The following B3GAT2 variants were observed in gnomAD, a reference collection of about 807,000 sequenced individuals.
The protein encoded by B3GAT2 is galactosylgalactosylxylosylprotein 3-beta-glucuronosyltransferase 2.
In B3GAT2, 26 loss-of-function variants were observed where a neutral mutation model predicts 27.8. That is an observed-to-expected ratio of 0.93 (90% confidence interval 0.68 to 1.30). The LOEUF (loss-of-function observed/expected upper bound fraction) is 1.30. Ranked by LOEUF, B3GAT2 falls within the 50% of genes most tolerant of loss-of-function variation. The pLI is 0.00. For synonymous variants in B3GAT2, 218 were observed against 195.1 expected (o/e 1.12, Z -0.98); for missense variants, 458 against 459.0 (o/e 1.00, Z 0.02).
chr6:70,916,748 A>C (rs924066623), intron 1 of B3GAT2, among the ~76,000 whole-genome samples: 4 of 152,178 alleles, frequency 2.6e-5, no homozygotes, highest in African/African-American at 9.7e-5. Context: ...GATGAAGTCG[A>C]CTTGATCGTA....
chr6:70,884,095 CA>C (rs70990339), intron 2 of B3GAT2, among the ~76,000 whole-genome samples: 66,190 of 100,522 alleles, frequency 0.66, 18,754 homozygotes, highest in Middle Eastern at 0.74. Context: ...CCTCAAGACT[CA>C]AAAAAAAAAA....
intron 1 of B3GAT2, among the ~76,000 whole-genome samples, chr6:70,898,434 T>C (rs1003305013): frequency 4.6e-5 from 7 of 152,186 alleles, no homozygotes; most frequent in Non-Finnish European, 1.0e-4. Context: ...TCCTCTTTCC[T>C]GACATACTCA....
intron 2 of B3GAT2, among the ~76,000 whole-genome samples, chr6:70,891,773 T>C (rs1772292956): frequency 6.6e-6 from 1 of 152,010 alleles, no homozygotes; most frequent in Non-Finnish European, 1.5e-5. Flanking sequence ...TGTGTGTGTG[T>C]GTGTGTGTGT....
intron 1 of B3GAT2, among the ~76,000 whole-genome samples, chr6:70,925,387 C>T (rs1772937234): frequency 6.6e-6 from 1 of 152,228 alleles, no homozygotes; most frequent in Non-Finnish European, 1.5e-5. Context: ...AGGGAATTCC[C>T]TTTCCTAGCC....
chr6:70,927,429 C>T (rs1183744602), intron 1 of B3GAT2, among the ~76,000 whole-genome samples: 1 of 152,070 alleles, frequency 6.6e-6, no homozygotes, highest in Admixed American at 6.6e-5. Flanking sequence ...ATTCAGGAGA[C>T]CCATCTCACA....
intron 2 of B3GAT2, among the ~76,000 whole-genome samples, chr6:70,890,711 G>T (rs752714767): frequency 6.6e-6 from 1 of 152,176 alleles, no homozygotes; most frequent in Non-Finnish European, 1.5e-5. Context: ...AGTCTTGTTG[G>T]AGACTGTGCC....
At position 70,857,171 on chromosome 6, in the gene B3GAT2, G is replaced by A. The variant is rs982335768; in HGVS notation, c.*4492C>T. The A allele has an allele frequency of 2.6e-5, 19 of 740,532 alleles. No individual in the cohort carries two copies. The highest frequency in any genetic ancestry group is 7.1e-5 in the African/African-American group (4 of 55,978). 45.9% of individuals were successfully genotyped at this position (740,532 alleles called of 1,614,324 possible). A position where few individuals can be genotyped will look rare whatever the true frequency, so the allele number is the denominator to read the frequency against. On this transcript the variant is annotated 3_prime_UTR_variant, in exon 4 of 4. Coordinates refer to ENST00000230053, the MANE Select transcript of B3GAT2 (RefSeq NM_080742.3). ...TTGCAGTTTATACAACTATGAAGCC[G>A]AAATGAATGAGCATTAGAATTAAAA...
chr6:70,942,904 G>A (rs184745153), intron 1 of B3GAT2, among the ~76,000 whole-genome samples: 1 of 152,276 alleles, frequency 6.6e-6, no homozygotes, highest in Admixed American at 6.5e-5. Context: ...AGAATGGTCA[G>A]CATTTAGCAC....
At position 70,901,112 on chromosome 6, in the gene B3GAT2, C is replaced by T. The variant is rs557743381; in HGVS notation, c.592-6840G>A. Among the ~76,000 whole-genome samples, 19 of 152,216 alleles carry T rather than the reference C, an allele frequency of 1.2e-4. 1 individual carries two copies. The South Asian group carries it at 3.9e-3, about 32-fold the overall frequency. On this transcript the variant is annotated intron_variant, in intron 1 of 3. Coordinates refer to ENST00000230053, the MANE Select transcript of B3GAT2 (RefSeq NM_080742.3). Reference sequence around the variant, plus strand: ...CTAAACGTGATTTTCCAAAACAAAACGATATTTATATGATCAAATACACCT... The same window carrying T: ...CTAAACGTGATTTTCCAAAACAAAATGATATTTATATGATCAAATACACCT...
intron 1 of B3GAT2, among the ~76,000 whole-genome samples, chr6:70,918,676 A>G (rs1179756293): frequency 6.6e-6 from 1 of 152,086 alleles, no homozygotes; most frequent in Admixed American, 6.5e-5. Context: ...CTGGATATGA[A>G]ATTCTGGGTT....
At chr6:70,954,721 G>A (rs1380694284) in intron 1 of B3GAT2, among the ~76,000 whole-genome samples, 1 of 152,192 alleles carries the variant, frequency 6.6e-6, no homozygotes, top group African/African-American at 2.4e-5. Context: ...AGAAATTTCA[G>A]GTGGAGGAAG....
Position 70,857,596 on chromosome 6 carries a change from C to T in B3GAT2, c.*4067G>A. 3.7e-6 allele frequency: 1 copy of T among 267,568 alleles called. No homozygotes were observed. The highest frequency in any genetic ancestry group is 5.4e-5 in the South Asian group (1 of 18,538). The allele number at this position is 267,568 out of a possible 1,614,324, so 16.6% of individuals were successfully genotyped here. On this transcript the variant is annotated 3_prime_UTR_variant, in exon 4 of 4. Coordinates refer to ENST00000230053, the MANE Select transcript of B3GAT2 (RefSeq NM_080742.3). ...ACTTCCCTGTTTCGTACTGGGGGAC[C>T]AGTGGTACAAATCAGCAATAAAACA...
intron 1 of B3GAT2, among the ~76,000 whole-genome samples, chr6:70,947,506 A>G (rs1765510580): frequency 6.6e-6 from 1 of 152,194 alleles, no homozygotes; most frequent in Non-Finnish European, 1.5e-5. Flanking sequence ...TCCTCGACAC[A>G]TACACCCTCC....
chr6:70,929,489 A>G (rs1773024239), intron 1 of B3GAT2, among the ~76,000 whole-genome samples: 1 of 152,226 alleles, frequency 6.6e-6, no homozygotes, highest in South Asian at 2.1e-4. Flanking sequence ...CTGATAAGCA[A>G]CTTCAGCAAA....
At chr6:70,935,243 T>C (rs1773124898) in intron 1 of B3GAT2, among the ~76,000 whole-genome samples, 1 of 151,764 alleles carries the variant, frequency 6.6e-6, no homozygotes, top group Non-Finnish European at 1.5e-5. Flanking sequence ...GCCAGGAGCT[T>C]GAGACCAGCC....
chr6:70,870,005 T>C (rs1305122273), intron 2 of B3GAT2, among the ~76,000 whole-genome samples: 3 of 152,070 alleles, frequency 2.0e-5, no homozygotes, highest in Non-Finnish European at 4.4e-5. Flanking sequence ...GATCTAGAAC[T>C]AGAAATACCA....
rs111257864 is a variant in B3GAT2, at chr6:70,913,818, C to T, written c.592-19546G>A. ...GGGTGCTGAAGTCTCCCAATATTACCGTGTGGTTATCCATGTCTCTTTGTA... is the reference window on the plus strand; with the variant it reads ...GGGTGCTGAAGTCTCCCAATATTACTGTGTGGTTATCCATGTCTCTTTGTA... On this transcript the variant is annotated intron_variant, in intron 1 of 3. Transcript: ENST00000230053. Among the ~76,000 whole-genome samples the T allele has an allele frequency of 9.3e-3, 1,416 of 152,170 alleles. 11 individuals carry two copies. The highest frequency in any genetic ancestry group is 0.048 in the Middle Eastern group (14 of 294).
chr6:70,956,121 G>C lies in B3GAT2; in HGVS notation c.309C>G (p.Asn103Lys). 6.2e-7 allele frequency: 1 copy of C among 1,604,246 alleles called. No homozygotes were observed. The highest frequency in any genetic ancestry group is 8.5e-7 in the Non-Finnish European group (1 of 1,175,836). ...VQKAELTRLA[N>K]TFRQVAQLHW... ...GCAGCTGCGCCACCTGGCGGAACGT[G>C]TTGGCCAGGCGGGTCAGCTCCGCTT... The change falls in exon 1 of 4, where the codon AAC becomes AAG. Residue 103 changes from asparagine (N) to lysine (K), a missense_variant. Physicochemically the swap from Asn to Lys is moderately conservative, Grantham distance 94. Coordinates refer to ENST00000230053, the MANE Select transcript of B3GAT2 (RefSeq NM_080742.3).
chr6:70,898,153 G>A (rs971807976), intron 1 of B3GAT2, among the ~76,000 whole-genome samples: 6 of 152,030 alleles, frequency 3.9e-5, no homozygotes, highest in Admixed American at 2.0e-4. Context: ...AGCAAATTCC[G>A]ATAGAGATTG....
Sources: gnomAD v4.1 joint callset for allele counts (sites outside exome capture counted in the v4.1 genomes callset) on GRCh38, gnomAD v4.1.1 for gene constraint, MANE v1.5 for transcripts, NCBI Gene and HGNC (gene_info 2026-07-23, HGNC 2026-07-21) for gene names.